VPS50: variants seen among roughly 807,000 people sequenced by gnomAD.
The protein encoded by VPS50 is VPS50 subunit of EARP/GARPII complex, also known as syndetin.
VPS50 carries 70 observed loss-of-function variants against 139.7 expected under a neutral mutation model. That is an observed-to-expected ratio of 0.50 (90% CI 0.41 to 0.61). The LOEUF is 0.61. Among genes scored for constraint, VPS50 ranks in the 20% least tolerant of loss-of-function variants. VPS50 has a pLI of 0.00. For synonymous variants in VPS50, 365 were observed against 376.7 expected, an observed-to-expected ratio of 0.97 and a Z score of 0.36; for missense variants, 921 against 1,133.7, an observed-to-expected ratio of 0.81 and a Z score of 2.69.
intron 12 of VPS50, among the ~76,000 whole-genome samples, chr7:93,291,373 C>G (rs1796643224): frequency 6.6e-6 from 1 of 151,990 alleles, no homozygotes; most frequent in South Asian, 2.1e-4. Context: ...TGTTTAGGAT[C>G]ATGTCTTTCA....
At chr7:93,257,537 A>G (rs1795524413) in intron 6 of VPS50, 73 bp downstream of exon 6, 4 of 840,680 alleles carry the variant, frequency 4.8e-6, no homozygotes, top group Non-Finnish European at 7.6e-6. Context: ...TCTATAATTT[A>G]TAATTGATTT....
intron 16 of VPS50, among the ~76,000 whole-genome samples, chr7:93,299,482 A>G (rs1280379312): frequency 1.3e-5 from 2 of 152,204 alleles, no homozygotes; most frequent in Non-Finnish European, 2.9e-5. Context: ...AAATGTGCAT[A>G]CAGTTTGGTT....
rs1233160525 is a variant in VPS50 at position 93,253,900 on chromosome 7, A to G, written c.266A>G (p.Tyr89Cys). 1.9e-6 allele frequency: 3 copies of G among 1,602,054 alleles called. No individual in the cohort carries two copies. The highest frequency in any genetic ancestry group is 8.5e-7 in the Non-Finnish European group (1 of 1,171,666). ...PVLNLQELEAYRDKLKQQQAA... is the reference protein window; with the variant it reads ...PVLNLQELEACRDKLKQQQAA... ...CTCAATTTGCAAGAATTAGAGGCGT[A>G]TAGAGACAAATTGAAACAACAGCAA... The change falls in exon 4 of 28, where the codon TAT becomes TGT. Residue 89 changes from tyrosine to cysteine, a missense_variant. Physicochemically the swap from Tyr to Cys is radical, Grantham distance 194. Around this residue, in one of 3 missense-constraint regions of VPS50, gnomAD observed 744 missense variants for 930.6 expected, o/e 0.80. Coordinates refer to ENST00000305866, the MANE Select transcript of VPS50 (RefSeq NM_017667.4).
intron 12 of VPS50, among the ~76,000 whole-genome samples, chr7:93,283,567 T>C (rs1796393881): frequency 6.6e-6 from 1 of 152,138 alleles, no homozygotes; most frequent in South Asian, 2.1e-4. Context: ...TCGTCAGTTT[T>C]CTTACTCAGT....
chr7:93,333,263 C>A (rs1317326889), intron 21 of VPS50, among the ~76,000 whole-genome samples: 1 of 152,076 alleles, frequency 6.6e-6, no homozygotes, highest in Non-Finnish European at 1.5e-5. Flanking sequence ...TAAATAATTT[C>A]TCATTCTTGT....
intron 12 of VPS50, among the ~76,000 whole-genome samples, chr7:93,276,696 G>C (rs143235978): frequency 6.6e-6 from 1 of 152,182 alleles, no homozygotes; most frequent in Non-Finnish European, 1.5e-5. Context: ...GTCAGCATCT[G>C]TAACTGGTTT....
intron 16 of VPS50, among the ~76,000 whole-genome samples, chr7:93,301,712 A>C (rs768265873): frequency 2.6e-5 from 4 of 152,174 alleles, no homozygotes; most frequent in African/African-American, 4.8e-5. Flanking sequence ...TGAGAGAATA[A>C]ATTTTTGCTT....
chr7:93,253,187 C>T (rs894833956), intron 3 of VPS50, among the ~76,000 whole-genome samples: 3 of 152,074 alleles, frequency 2.0e-5, no homozygotes, highest in African/African-American at 7.2e-5. Flanking sequence ...AGAACTTTAA[C>T]GAAAGTCAGA....
At position 93,274,566 on chromosome 7, in the gene VPS50, A is replaced by G. The variant is rs117704575; in HGVS notation, c.802-1599A>G. 3.5e-4 allele frequency among the ~76,000 whole-genome samples: 54 copies of G among 152,202 alleles called. No individual in the cohort carries two copies. In the East Asian group the frequency reaches 9.5e-3, roughly 27 times the overall value. ...GAAAAAAAAATGTCCCTTTCAAAAT[A>G]TTTCTGTCTATTGACAATGTACCTA... On this transcript the variant is annotated intron_variant, in intron 11 of 27. Coordinates refer to ENST00000305866, the MANE Select transcript of VPS50 (RefSeq NM_017667.4).
chr7:93,244,392 A>G (rs1225454772), intron 2 of VPS50, among the ~76,000 whole-genome samples: 2 of 151,880 alleles, frequency 1.3e-5, no homozygotes, highest in Non-Finnish European at 2.9e-5. Context: ...TTTTACCAAA[A>G]TTTGTGGAGA....
At chr7:93,337,121 T>C (rs1373608290) in intron 22 of VPS50, among the ~76,000 whole-genome samples, 1 of 152,228 alleles carries the variant, frequency 6.6e-6, no homozygotes, top group Non-Finnish European at 1.5e-5. Context: ...TCTTCAAGCG[T>C]ATTTTCCTAA....
chr7:93,308,215 G>T (rs1797170642), intron 18 of VPS50, among the ~76,000 whole-genome samples: 1 of 151,770 alleles, frequency 6.6e-6, no homozygotes, highest in South Asian at 2.1e-4. Context: ...TCCCATGCTG[G>T]CATTGGGCCA....
chr7:93,338,936 G>A (rs1798138382), intron 22 of VPS50, among the ~76,000 whole-genome samples: 1 of 152,052 alleles, frequency 6.6e-6, no homozygotes. Flanking sequence ...AGTAACATCC[G>A]GAAGGAACAA....
intron 1 of VPS50, among the ~76,000 whole-genome samples, chr7:93,233,417 AG>A (rs1345024066): frequency 1.3e-5 from 2 of 152,218 alleles, no homozygotes; most frequent in African/African-American, 4.8e-5. Flanking sequence ...GTTTAGTGAA[AG>A]GTATATTTGT....
At chr7:93,345,863 C>A (rs1798377841) in intron 23 of VPS50, among the ~76,000 whole-genome samples, 1 of 152,148 alleles carries the variant, frequency 6.6e-6, no homozygotes, top group Non-Finnish European at 1.5e-5. Flanking sequence ...AAACCCACAG[C>A]CAATATCATA....
At chr7:93,345,301 G>C (rs1186055389) in intron 23 of VPS50, among the ~76,000 whole-genome samples, 27 of 152,150 alleles carry the variant, frequency 1.8e-4, no homozygotes, top group Admixed American at 1.6e-3. Flanking sequence ...TCTCTGAATA[G>C]ACCAATAACA....
chr7:93,240,245 ACACACTCT>A (rs1237561535), intron 2 of VPS50, among the ~76,000 whole-genome samples: 5 of 145,448 alleles, frequency 3.4e-5, no homozygotes, highest in African/African-American at 1.0e-4. Flanking sequence ...ACACACACAC[ACACACTCT>A]CTCTCTCTCT....
chr7:93,290,005 C>A (rs893586642), intron 12 of VPS50, among the ~76,000 whole-genome samples: 6 of 151,816 alleles, frequency 4.0e-5, no homozygotes, highest in Non-Finnish European at 2.9e-5. Context: ...GGTTTTCAAT[C>A]ATTTCTTATT....
chr7:93,319,038 A>T (rs1480111846), intron 20 of VPS50, among the ~76,000 whole-genome samples: 1 of 152,184 alleles, frequency 6.6e-6, no homozygotes, highest in African/African-American at 2.4e-5. Context: ...GCCCTGTGAA[A>T]TCTTGGGTCA....
Sources: allele counts gnomAD v4.1 joint callset (sites outside exome capture counted in the v4.1 genomes callset), GRCh38; gene constraint gnomAD v4.1.1; regional missense constraint gnomAD v4.1.1; transcripts MANE v1.5; gene names NCBI Gene and HGNC (gene_info 2026-07-23, HGNC 2026-07-21).